Variants in APP observed in about 807,000 individuals in gnomAD.
The protein encoded by APP is amyloid beta precursor protein.
In APP, 31 loss-of-function variants were observed where a neutral mutation model predicts 101.4. That is an observed-to-expected ratio of 0.31 (90% CI 0.23 to 0.41). The LOEUF (loss-of-function observed/expected upper bound fraction) is 0.41. Ranked by LOEUF, APP falls within the 10% of genes least tolerant of loss-of-function variation. The pLI, the probability that APP is intolerant of heterozygous loss-of-function variation, is 1.00. For synonymous variants in APP, 366 were observed against 364.4 expected (o/e 1.00, Z -0.05); for missense variants, 839 against 1,003.7 (o/e 0.84, Z 2.22).
intron 8 of APP, among the ~76,000 whole-genome samples, chr21:25,995,988 T>C (rs1326450339): frequency 6.6e-6 from 1 of 151,852 alleles, no homozygotes; most frequent in South Asian, 2.1e-4. Context: ...AATTATAAAA[T>C]ATCTAAGTTA....
At chr21:25,918,499 A>G (rs2039466595) in intron 13 of APP, among the ~76,000 whole-genome samples, 1 of 152,024 alleles carries the variant, frequency 6.6e-6, no homozygotes, top group Non-Finnish European at 1.5e-5. Flanking sequence ...AGTGCCAGAC[A>G]GTGGGCGCAG....
intron 1 of APP, among the ~76,000 whole-genome samples, chr21:26,129,297 C>A (rs2062745372): frequency 6.6e-6 from 1 of 151,936 alleles, no homozygotes; most frequent in African/African-American, 2.4e-5. Flanking sequence ...ATGGTGAAAC[C>A]CCGTCTCTAC....
At chr21:25,973,878 T>G (rs1053175210) in intron 11 of APP, among the ~76,000 whole-genome samples, 2 of 148,000 alleles carry the variant, frequency 1.4e-5, no homozygotes, top group Non-Finnish European at 3.0e-5. Context: ...AGACAGAAGT[T>G]GCAGTGAGCT....
At chr21:25,940,087 AG>A (rs2040512099) in intron 13 of APP, among the ~76,000 whole-genome samples, 1 of 152,156 alleles carries the variant, frequency 6.6e-6, no homozygotes, top group African/African-American at 2.4e-5. Flanking sequence ...TAGCATTTCC[AG>A]CCAACATTAC....
At chr21:26,100,623 T>C (rs969172831) in intron 2 of APP, among the ~76,000 whole-genome samples, 1 of 152,194 alleles carries the variant, frequency 6.6e-6, no homozygotes, top group African/African-American at 2.4e-5. Context: ...AATCCCATGT[T>C]CAGTTATGTA....
intron 2 of APP, among the ~76,000 whole-genome samples, chr21:26,100,004 T>C (rs948138349): frequency 6.6e-6 from 1 of 152,226 alleles, no homozygotes; most frequent in Non-Finnish European, 1.5e-5. Context: ...TCAAAGAACC[T>C]TGTTTGATAG....
chr21:26,057,215 T>C (rs1183181248), intron 3 of APP, among the ~76,000 whole-genome samples: 4 of 152,240 alleles, frequency 2.6e-5, no homozygotes, highest in African/African-American at 9.6e-5. Context: ...TTATAAATGC[T>C]TCTGCTTATT....
intron 3 of APP, among the ~76,000 whole-genome samples, chr21:26,066,452 AAACAACTCCCCATTC>A (rs1419909649): frequency 6.6e-6 from 1 of 151,550 alleles, no homozygotes; most frequent in African/African-American, 2.4e-5. Flanking sequence ...GCACACCATT[AAACAACTCCCCATTC>A]CCCCACCTCC....
chr21:25,897,773 C>A, intron 15 of APP, 100 bp from the exon 16 acceptor site: 1 of 968,590 alleles, frequency 1.0e-6, no homozygotes, highest in Non-Finnish European at 1.6e-6. Context: ...TCTTTCTAGG[C>A]CTGAAGTTAG....
At chr21:25,891,279 G>A (rs1306885683) in intron 17 of APP, among the ~76,000 whole-genome samples, 1 of 152,134 alleles carries the variant, frequency 6.6e-6, no homozygotes, top group East Asian at 1.9e-4. Context: ...TTACCTGGTT[G>A]TATTGAGAGG....
At chr21:25,984,504 A>G (rs1200012538) in intron 8 of APP, among the ~76,000 whole-genome samples, 1 of 152,178 alleles carries the variant, frequency 6.6e-6, no homozygotes, top group Non-Finnish European at 1.5e-5. Context: ...CCTTTTTGGA[A>G]AAAAGGTAAA....
chr21:25,954,966 A>AG (rs1195069102), intron 12 of APP, among the ~76,000 whole-genome samples: 10 of 151,322 alleles, frequency 6.6e-5, no homozygotes, highest in African/African-American at 2.4e-4. Context: ...TTGATCTTGA[A>AG]ACTTACCATT....
At chr21:25,914,374 G>A (rs2146328611) in intron 13 of APP, among the ~76,000 whole-genome samples, 1 of 151,882 alleles carries the variant, frequency 6.6e-6, no homozygotes, top group South Asian at 2.1e-4. Flanking sequence ...CTCCACTGTG[G>A]TAGTAGTGAG....
intron 3 of APP, among the ~76,000 whole-genome samples, chr21:26,080,131 C>T (rs2061567964): frequency 6.6e-6 from 1 of 151,558 alleles, no homozygotes; most frequent in Non-Finnish European, 1.5e-5. Flanking sequence ...TCTCAATAAA[C>T]AAACAAACAA....
chr21:25,903,053 T>C (rs2038589967), intron 15 of APP, among the ~76,000 whole-genome samples: 1 of 148,838 alleles, frequency 6.7e-6, no homozygotes, highest in Non-Finnish European at 1.5e-5. Flanking sequence ...TTTTGTTAGA[T>C]TTAGATTAAA....
At chr21:26,076,559 CA>C (rs2061500440) in intron 3 of APP, among the ~76,000 whole-genome samples, 1 of 152,148 alleles carries the variant, frequency 6.6e-6, no homozygotes, top group Non-Finnish European at 1.5e-5. Flanking sequence ...ACATCTTACA[CA>C]GGGAAATTCA....
chr21:26,053,504 T>A, intron 3 of APP, 156 bp from the exon 4 acceptor site: 1 of 613,160 alleles, frequency 1.6e-6, no homozygotes, highest in Non-Finnish European at 3.0e-6. Flanking sequence ...GAATGTTACG[T>A]CTGGCCTCCT....
rs781728365 is a variant in APP, at chr21:25,906,604, G to A, written c.1910-1527C>T. 2.4e-4 allele frequency among the ~76,000 whole-genome samples: 37 copies of A among 152,220 alleles called. 1 individual carries two copies. Among genetic ancestry groups the A allele is most frequent in the Admixed American group, 2.2e-3 (33 of 15,286 alleles). ...CACTAGTGCATTAGAGGAAGACATA[G>A]TTCACTTCCTTCTGCAACTCCCAAA... On this transcript the variant is annotated intron_variant, in intron 14 of 17. Transcript: ENST00000346798.
At chr21:26,071,726 T>C (rs2061414750) in intron 3 of APP, among the ~76,000 whole-genome samples, 1 of 152,240 alleles carries the variant, frequency 6.6e-6, no homozygotes, top group Admixed American at 6.5e-5. Context: ...TAAGAATATC[T>C]GGATATGAGA....
Sources: allele counts gnomAD v4.1 joint callset (sites outside exome capture counted in the v4.1 genomes callset), GRCh38; gene constraint gnomAD v4.1.1; transcripts MANE v1.5; gene names NCBI Gene and HGNC (gene_info 2026-07-23, HGNC 2026-07-21).